Variants in SHLD2 observed in about 807,000 individuals in gnomAD.
The protein encoded by SHLD2 is RINN1-REV7-interacting novel NHEJ regulator 2.
A neutral mutation model predicts 73.2 loss-of-function variants in SHLD2; 30 were observed. The observed-to-expected ratio is 0.41, with a 90% CI of 0.31 to 0.56. SHLD2 has a LOEUF of 0.56. Ranked by LOEUF, SHLD2 falls within the 20% of genes least tolerant of loss-of-function variation. The pLI is 0.28. For synonymous variants in SHLD2, 285 were observed against 370.1 expected (o/e 0.77, Z 2.64); for missense variants, 745 against 1,055.9 (o/e 0.71, Z 4.08).
chr10:87,187,639 T>G (rs1433958786), intron 9 of SHLD2, among the ~76,000 whole-genome samples: 1 of 152,232 alleles, frequency 6.6e-6, no homozygotes, highest in Admixed American at 6.5e-5. Flanking sequence ...CCTGTTCTCA[T>G]TAGCCTCAGA....
chr10:87,177,458 C>T (rs1848016274), intron 7 of SHLD2, among the ~76,000 whole-genome samples: 1 of 152,054 alleles, frequency 6.6e-6, no homozygotes, highest in Non-Finnish European at 1.5e-5. Flanking sequence ...CATTAGCAAG[C>T]CATGCCAAAA....
At chr10:87,146,854 C>T (rs1404700678) in intron 2 of SHLD2, among the ~76,000 whole-genome samples, 17 of 151,474 alleles carry the variant, frequency 1.1e-4, no homozygotes, top group Non-Finnish European at 2.1e-4. Flanking sequence ...GTTGGGAGTT[C>T]GAGACCAGCC....
chr10:87,183,795 CCTT>C (rs1455424114), intron 8 of SHLD2, among the ~76,000 whole-genome samples: 5 of 152,218 alleles, frequency 3.3e-5, no homozygotes, highest in African/African-American at 1.2e-4. Flanking sequence ...TCCACTTCCT[CCTT>C]CTTGAAACAG....
rs1182765426 is a variant in SHLD2 at position 87,151,282 on chromosome 10, T to C, written c.-5-68T>C. 16 of 777,690 alleles carry C rather than the reference T, an allele frequency of 2.1e-5. No homozygotes were observed. In the South Asian group the frequency reaches 3.9e-4, roughly 19 times the overall value. The allele number at this position is 777,690 out of a possible 1,614,324, so 48.2% of individuals were successfully genotyped here. A position where few individuals can be genotyped will look rare whatever the true frequency, so the allele number is the denominator to read the frequency against. On this transcript the variant is annotated intron_variant, in intron 2 of 9. Coordinates refer to ENST00000298786, the MANE Select transcript of SHLD2 (RefSeq NM_001330112.2). ...AGTTATATTTTCTTTTGGTACATTATTAAGTTAATATCCATATGCAAAAAT... is the reference window on the plus strand; with the variant it reads ...AGTTATATTTTCTTTTGGTACATTACTAAGTTAATATCCATATGCAAAAAT...
intron 2 of SHLD2, among the ~76,000 whole-genome samples, chr10:87,114,892 CT>C (rs1843148021): frequency 1.3e-5 from 2 of 152,132 alleles, no homozygotes; most frequent in Admixed American, 6.5e-5. Context: ...ATGTGTGGCT[CT>C]TTGTTTCTGG....
At chr10:87,166,362 CAA>C (rs1385458194) in intron 4 of SHLD2, among the ~76,000 whole-genome samples, 2 of 137,656 alleles carry the variant, frequency 1.5e-5, no homozygotes, top group Admixed American at 1.4e-4. Context: ...GAGTGACTAA[CAA>C]TAACAAAGGA....
intron 2 of SHLD2, among the ~76,000 whole-genome samples, chr10:87,105,731 T>C (rs1057373523): frequency 6.6e-6 from 1 of 152,216 alleles, no homozygotes; most frequent in African/African-American, 2.4e-5. Context: ...GCTTCAGCAG[T>C]TCCAGAGGTC....
Position 87,152,680 on chromosome 10 carries a change from T to C in SHLD2, c.1326T>C (p.Tyr442=). 1 of 1,610,642 alleles carries C rather than the reference T, an allele frequency of 6.2e-7. No homozygotes were observed. Among genetic ancestry groups the C allele is most frequent in the Admixed American group, 1.7e-5 (1 of 59,594 alleles). Residue 442 remains tyrosine (Y), a synonymous_variant, in exon 3 of 10, where the codon TAT becomes TAC. Coordinates refer to ENST00000298786, the MANE Select transcript of SHLD2 (RefSeq NM_001330112.2). Reference sequence around the variant, plus strand: ...ACTGTGATTCTAAAAGCCAGAAGTATAATTGTTTAGTCATGGTGCTATCTC... The same window carrying C: ...ACTGTGATTCTAAAAGCCAGAAGTACAATTGTTTAGTCATGGTGCTATCTC... ...IKNCDSKSQK[Y]NCLVMVLSPC...
intron 3 of SHLD2, among the ~76,000 whole-genome samples, chr10:87,153,287 TCCCAGCTA>T (rs1846144860): frequency 6.6e-6 from 1 of 152,168 alleles, no homozygotes; most frequent in African/African-American, 2.4e-5. Context: ...GTGCCTGTAG[TCCCAGCTA>T]CCCAGGAGGC....
At chr10:87,163,804 ATGTG>A (rs1237403598) in intron 4 of SHLD2, among the ~76,000 whole-genome samples, 3 of 150,968 alleles carry the variant, frequency 2.0e-5, no homozygotes, top group Non-Finnish European at 4.4e-5. Flanking sequence ...AAATATAGGC[ATGTG>A]TATATGGGTG....
At chr10:87,149,006 G>T (rs1031636095) in intron 2 of SHLD2, among the ~76,000 whole-genome samples, 1 of 151,018 alleles carries the variant, frequency 6.6e-6, no homozygotes, top group African/African-American at 2.4e-5. Context: ...TCCTGCCTCA[G>T]CCTCCCTAGT....
At chr10:87,144,173 C>T (rs1029663324) in intron 2 of SHLD2, among the ~76,000 whole-genome samples, 30 of 152,130 alleles carry the variant, frequency 2.0e-4, no homozygotes, top group African/African-American at 7.0e-4. Flanking sequence ...TCACCCTATT[C>T]CTAAGGCCAG....
chr10:87,125,228 C>G (rs1202977881), intron 2 of SHLD2, among the ~76,000 whole-genome samples: 1 of 152,142 alleles, frequency 6.6e-6, no homozygotes, highest in Non-Finnish European at 1.5e-5. Flanking sequence ...TTCCTTAAAG[C>G]TTGAAGTGAA....
At chr10:87,106,455 T>C (rs925978573) in intron 2 of SHLD2, among the ~76,000 whole-genome samples, 2 of 152,228 alleles carry the variant, frequency 1.3e-5, no homozygotes, top group African/African-American at 4.8e-5. Context: ...AACTAGGAAT[T>C]ATGATATTTG....
chr10:87,112,142 G>A (rs561249204), intron 2 of SHLD2, among the ~76,000 whole-genome samples: 1 of 151,944 alleles, frequency 6.6e-6, no homozygotes, highest in Non-Finnish European at 1.5e-5. Context: ...GGAGGCTGAG[G>A]CAGGAGAATG....
intron 2 of SHLD2, among the ~76,000 whole-genome samples, chr10:87,102,558 A>C (rs1589421106): frequency 6.6e-6 from 1 of 152,010 alleles, no homozygotes; most frequent in East Asian, 1.9e-4. Context: ...AAACACAAAA[A>C]ATGAGCCAGG....
At chr10:87,171,980 G>A (rs11202366) in intron 6 of SHLD2, among the ~76,000 whole-genome samples, 47,176 of 151,976 alleles carry the variant, frequency 0.31, 7,922 homozygotes, top group South Asian at 0.43. Flanking sequence ...TAGTGGAGCC[G>A]TAACAAAGCA....
chr10:87,109,656 C>T (rs1842805244), intron 2 of SHLD2, among the ~76,000 whole-genome samples: 1 of 152,142 alleles, frequency 6.6e-6, no homozygotes. Context: ...AATTTACATC[C>T]ACTCTTTCTT....
At chr10:87,185,185 G>A (rs1320549822) in intron 8 of SHLD2, among the ~76,000 whole-genome samples, 1 of 152,028 alleles carries the variant, frequency 6.6e-6, no homozygotes, top group African/African-American at 2.4e-5. Flanking sequence ...GTGATCTTTT[G>A]TGACTGGCTT....
Sources: allele counts gnomAD v4.1 joint callset (sites outside exome capture counted in the v4.1 genomes callset), GRCh38; gene constraint gnomAD v4.1.1; transcripts MANE v1.5; gene names NCBI Gene and HGNC (gene_info 2026-07-23, HGNC 2026-07-21).